SYNPR: variants seen among roughly 807,000 people sequenced by gnomAD.
SYNPR encodes the protein synaptoporin.
Under a neutral mutation model 32.9 loss-of-function variants are expected in SYNPR, and 23 were observed. The ratio of observed to expected loss-of-function variants is 0.70; its 90% confidence interval spans 0.50 to 0.99. The LOEUF is 0.99. Ranked by LOEUF, SYNPR falls within the 50% of genes least tolerant of loss-of-function variation. The pLI is 0.00. For missense variants in SYNPR, 318 were observed against 349.3 expected (o/e 0.91, Z 0.71); for synonymous variants, 146 against 135.9 (o/e 1.07, Z -0.52).
chr3:63,388,556 T>TTGTGTG (rs749669898), intron 2 of SYNPR, among the ~76,000 whole-genome samples: 9,903 of 127,930 alleles, frequency 0.077, 578 homozygotes, highest in African/African-American at 0.14. Context: ...CCCGGCTAAT[T>TTGTGTG]TGTGTGTGTG....
At chr3:63,398,312 T>A (rs1429717580) in intron 2 of SYNPR, among the ~76,000 whole-genome samples, 2 of 152,134 alleles carry the variant, frequency 1.3e-5, no homozygotes, top group African/African-American at 4.8e-5. Flanking sequence ...TAAAAGCAAA[T>A]GGAATCTTAG....
intron 2 of SYNPR, among the ~76,000 whole-genome samples, chr3:63,279,681 A>G (rs985460009): frequency 2.0e-5 from 3 of 152,222 alleles, no homozygotes; most frequent in Non-Finnish European, 2.9e-5. Context: ...CATTAATCAG[A>G]GTCCCTAACA....
At chr3:63,230,211 TA>T (rs1211015990) in intron 1 of SYNPR, among the ~76,000 whole-genome samples, 1 of 152,184 alleles carries the variant, frequency 6.6e-6, no homozygotes, top group East Asian at 1.9e-4. Context: ...TGAAATTTAA[TA>T]TATATCTGAA....
At chr3:63,301,753 C>A (rs1264753811) in intron 2 of SYNPR, among the ~76,000 whole-genome samples, 1 of 151,996 alleles carries the variant, frequency 6.6e-6, no homozygotes, top group Non-Finnish European at 1.5e-5. Context: ...AGAAGCTTAG[C>A]AGTAACTAGC....
chr3:63,330,530 CAGAA>C (rs928180701), intron 2 of SYNPR, among the ~76,000 whole-genome samples: 4 of 152,008 alleles, frequency 2.6e-5, no homozygotes, highest in African/African-American at 9.6e-5. Context: ...CTTGAGACCG[CAGAA>C]AGAGAGAGAC....
chr3:63,609,868 C>G (rs992711185), intron 5 of SYNPR, among the ~76,000 whole-genome samples: 15 of 152,154 alleles, frequency 9.9e-5, no homozygotes, highest in African/African-American at 3.6e-4. Flanking sequence ...CAAGATCAGG[C>G]CACTGCACCC....
chr3:63,277,749 A>G (rs2086590237), upstream of SYNPR, among the ~76,000 whole-genome samples: 1 of 151,900 alleles, frequency 6.6e-6, no homozygotes, highest in South Asian at 2.1e-4. Context: ...CCCTGTGCCC[A>G]TGGCCCCTGT....
intron 2 of SYNPR, among the ~76,000 whole-genome samples, chr3:63,452,905 G>A (rs886624815): frequency 6.6e-6 from 1 of 152,098 alleles, no homozygotes; most frequent in African/African-American, 2.4e-5. Context: ...CTCAATTAGA[G>A]CCACAATAAT....
At chr3:63,458,610 T>C (rs1374363547) in intron 2 of SYNPR, among the ~76,000 whole-genome samples, 2 of 152,152 alleles carry the variant, frequency 1.3e-5, no homozygotes, top group Non-Finnish European at 2.9e-5. Flanking sequence ...TTGCACATTC[T>C]GTTGGTCAAA....
intron 4 of SYNPR, among the ~76,000 whole-genome samples, chr3:63,569,974 T>C (rs1304867899): frequency 1.3e-5 from 2 of 152,202 alleles, no homozygotes; most frequent in Non-Finnish European, 2.9e-5. Flanking sequence ...AGCTTCTAAA[T>C]AAATCTGGTG....
intron 3 of SYNPR, among the ~76,000 whole-genome samples, chr3:63,504,891 G>A (rs1043020661): frequency 2.0e-5 from 3 of 152,134 alleles, no homozygotes; most frequent in Admixed American, 6.6e-5. Context: ...TGTGACTCAC[G>A]TGGACAGAGG....
Position 63,279,050 on chromosome 3 carries a change from G to C in SYNPR, c.84+308G>C, listed in dbSNP as rs374479726. 3.5e-4 allele frequency among the ~76,000 whole-genome samples: 53 copies of C among 152,286 alleles called. No individual in the cohort carries two copies. The South Asian group carries it at 0.011, about 32-fold the overall frequency. On this transcript the variant is annotated intron_variant, in intron 2 of 5. Coordinates refer to ENST00000478300, the MANE Select transcript of SYNPR (RefSeq NM_001130003.2). ...ACCTCCCCCTTGGGAGATAGGGGAG[G>C]GGGGCGCATGGAAGGGCTGCCGCTG...
intron 2 of SYNPR, among the ~76,000 whole-genome samples, chr3:63,407,628 T>C (rs2088378553): frequency 1.3e-5 from 2 of 152,174 alleles, no homozygotes; most frequent in Admixed American, 1.3e-4. Context: ...TTCTTTGTAA[T>C]CATATATATT....
chr3:63,291,583 T>G (rs2086739183), intron 2 of SYNPR, among the ~76,000 whole-genome samples: 1 of 145,208 alleles, frequency 6.9e-6, no homozygotes, highest in Non-Finnish European at 1.5e-5. Flanking sequence ...GTAAGAACTT[T>G]TGTTGTCAGA....
chr3:63,537,221 C>G (rs1702225039), intron 3 of SYNPR, among the ~76,000 whole-genome samples: 1 of 152,080 alleles, frequency 6.6e-6, no homozygotes, highest in African/African-American at 2.4e-5. Context: ...CCTCCCCAAA[C>G]TTGCCATTTT....
intron 2 of SYNPR, among the ~76,000 whole-genome samples, chr3:63,322,522 CTA>C (rs1284782591): frequency 3.3e-5 from 5 of 152,004 alleles, no homozygotes; most frequent in Admixed American, 6.6e-5. Flanking sequence ...GACCACTAGC[CTA>C]TACTGCCTTC....
At chr3:63,485,566 C>T (rs1701131989) in intron 3 of SYNPR, among the ~76,000 whole-genome samples, 1 of 152,010 alleles carries the variant, frequency 6.6e-6, no homozygotes, top group South Asian at 2.1e-4. Context: ...AAATAGAATT[C>T]AGTATATTTT....
rs1036738842 is a variant in SYNPR, at chr3:63,443,037, G to C, written c.85-37795G>C. The C allele has an allele frequency of 4.0e-6, 4 of 1,004,932 alleles. No individual in the cohort carries two copies. The African/African-American group carries it at 5.2e-5, about 13-fold the overall frequency. The allele number at this position is 1,004,932 out of a possible 1,614,324, so 62.3% of individuals were successfully genotyped here. A position where few individuals can be genotyped will look rare whatever the true frequency, so the allele number is the denominator to read the frequency against. On this transcript the variant is annotated intron_variant, in intron 2 of 5. Coordinates refer to ENST00000478300, the MANE Select transcript of SYNPR (RefSeq NM_001130003.2). ...GGAGGAGGGGGCTGGCAGAGTAAAG[G>C]GGAGATGGTGCCTCTGTTGGTGATG...
At chr3:63,483,058 G>C (rs947654556) in intron 3 of SYNPR, among the ~76,000 whole-genome samples, 1 of 152,190 alleles carries the variant, frequency 6.6e-6, no homozygotes, top group Admixed American at 6.5e-5. Flanking sequence ...ACAACTGGAA[G>C]TAGGTATCAA....
Sources: allele counts gnomAD v4.1 joint callset (sites outside exome capture counted in the v4.1 genomes callset), GRCh38; gene constraint gnomAD v4.1.1; transcripts MANE v1.5; gene names NCBI Gene and HGNC (gene_info 2026-07-23, HGNC 2026-07-21).